TDRD3: variants seen among roughly 807,000 people sequenced by gnomAD.
TDRD3 encodes the protein tudor domain containing 3, also known as tudor domain-containing protein 3.
In TDRD3, 45 loss-of-function variants were observed where a neutral mutation model predicts 86.7. The ratio of observed to expected loss-of-function variants is 0.52; its 90% CI spans 0.41 to 0.67. The LOEUF is 0.67. Among genes scored for constraint, TDRD3 ranks in the 30% least tolerant of loss-of-function variants. TDRD3 has a pLI of 0.00. For missense variants in TDRD3, 814 were observed against 889.0 expected (o/e 0.92, Z 1.07); for synonymous variants, 298 against 301.7 (o/e 0.99, Z 0.13).
At chr13:60,494,290 A>T in intron 7 of TDRD3, 145 bp from the exon 8 acceptor site, 1 of 869,178 alleles carries the variant, frequency 1.2e-6, no homozygotes, top group Non-Finnish European at 1.6e-6. Flanking sequence ...GCTATTCAAA[A>T]GGAGTAAGTT....
At chr13:60,482,148 G>A (rs766295855) in intron 5 of TDRD3, among the ~76,000 whole-genome samples, 3 of 152,136 alleles carry the variant, frequency 2.0e-5, no homozygotes, top group Non-Finnish European at 4.4e-5. Context: ...AGTGACTCAA[G>A]GGAACTCCTT....
chr13:60,495,770 A>G (rs1350796428), intron 8 of TDRD3, among the ~76,000 whole-genome samples: 1 of 152,068 alleles, frequency 6.6e-6, no homozygotes, highest in East Asian at 1.9e-4. Flanking sequence ...GCCCGGTGGG[A>G]TAAAAGTTTT....
At chr13:60,456,518 T>C (rs1472672500) in intron 3 of TDRD3, among the ~76,000 whole-genome samples, 1 of 152,230 alleles carries the variant, frequency 6.6e-6, no homozygotes, top group Non-Finnish European at 1.5e-5. Context: ...TTTGATTTTT[T>C]CTTATTACTA....
Position 60,453,333 on chromosome 13 carries a change from CAT to C in TDRD3, c.193-7046_193-7045del, listed in dbSNP as rs559510681. Among the ~76,000 whole-genome samples the C allele has an allele frequency of 4.8e-3, 729 of 152,274 alleles. 4 individuals are homozygous for C. The highest frequency in any genetic ancestry group is 0.02 in the Middle Eastern group (6 of 294). Reference sequence around the variant, plus strand: ...AAAGACAGCTTAGGAAAACGAGTAACATGTAGTTTTTCTTTTCCTAGCCAATT... The same window carrying C: ...AAAGACAGCTTAGGAAAACGAGTAACGTAGTTTTTCTTTTCCTAGCCAATT... On this transcript the variant is annotated intron_variant, in intron 3 of 13. Coordinates refer to ENST00000377881, the MANE Select transcript of TDRD3 (RefSeq NM_001146070.2).
chr13:60,559,118 T>TA (rs1264492178), intron 12 of TDRD3, among the ~76,000 whole-genome samples: 1 of 152,196 alleles, frequency 6.6e-6, no homozygotes, highest in Non-Finnish European at 1.5e-5. Flanking sequence ...TTTATTAACT[T>TA]AGAGTTATTT....
chr13:60,531,223 A>C (rs941973445), intron 11 of TDRD3, among the ~76,000 whole-genome samples: 6 of 152,232 alleles, frequency 3.9e-5, no homozygotes, highest in Non-Finnish European at 5.9e-5. Context: ...CTTCCTGGCT[A>C]TTAGGAAGAC....
chr13:60,435,271 A>G (rs562587905), intron 1 of TDRD3, among the ~76,000 whole-genome samples: 1 of 151,980 alleles, frequency 6.6e-6, no homozygotes, highest in South Asian at 2.1e-4. Flanking sequence ...AGGCCTTATT[A>G]TTTTCTTATT....
At chr13:60,547,788 C>T (rs754747151) in intron 12 of TDRD3, among the ~76,000 whole-genome samples, 5 of 152,108 alleles carry the variant, frequency 3.3e-5, no homozygotes, top group Non-Finnish European at 4.4e-5. Context: ...ATGTAAAACC[C>T]AGTTGGTTAA....
intron 8 of TDRD3, 200 bp from the exon 9 acceptor site, chr13:60,509,563 A>G (rs1957013299): frequency 3.3e-6 from 2 of 614,842 alleles, no homozygotes; most frequent in Non-Finnish European, 5.7e-6. Context: ...AGGTCAGAGA[A>G]TACTCAAGGC....
chr13:60,497,700 C>A (rs1956747838), intron 8 of TDRD3, among the ~76,000 whole-genome samples: 1 of 152,054 alleles, frequency 6.6e-6, no homozygotes. Flanking sequence ...AAGAGTAGGA[C>A]CTTGTAGCTT....
chr13:60,509,621 C>T (rs1016100676), intron 8 of TDRD3, 142 bp from the exon 9 acceptor site: 1 of 1,048,996 alleles, frequency 9.5e-7, no homozygotes, highest in Non-Finnish European at 1.4e-6. Context: ...TGTAAAAAAT[C>T]AGCAAGAGAA....
intron 12 of TDRD3, among the ~76,000 whole-genome samples, chr13:60,551,969 A>C (rs561350535): frequency 1.3e-5 from 2 of 151,648 alleles, no homozygotes; most frequent in African/African-American, 4.9e-5. Context: ...CTCCCTCGAC[A>C]TGTGGGGATT....
chr13:60,400,993 A>G (rs959257190), intron 1 of TDRD3, among the ~76,000 whole-genome samples: 5 of 152,174 alleles, frequency 3.3e-5, no homozygotes, highest in African/African-American at 9.7e-5. Flanking sequence ...AATTGGGTTG[A>G]AGCATTTTGT....
intron 12 of TDRD3, chr13:60,537,572 C>G (rs1476995541): frequency 6.6e-6 from 1 of 151,630 alleles, no homozygotes; most frequent in Non-Finnish European, 1.5e-5. Context: ...AGTTTTAAGT[C>G]AAAAATGTAC....
At chr13:60,524,650 A>G (rs764186712) in intron 10 of TDRD3, among the ~76,000 whole-genome samples, 1 of 152,128 alleles carries the variant, frequency 6.6e-6, no homozygotes, top group Admixed American at 6.6e-5. Context: ...TGACTTTATG[A>G]TTTAACTAAC....
intron 2 of TDRD3, among the ~76,000 whole-genome samples, chr13:60,444,113 G>A (rs1279222391): frequency 6.6e-6 from 1 of 151,624 alleles, no homozygotes; most frequent in Non-Finnish European, 1.5e-5. Flanking sequence ...ATAGTTATTT[G>A]TTTACCACCT....
At chr13:60,478,243 C>G (rs907645425) in intron 5 of TDRD3, among the ~76,000 whole-genome samples, 1 of 149,912 alleles carries the variant, frequency 6.7e-6, no homozygotes. Context: ...CTGATTGTAC[C>G]GATTTGGATC....
At chr13:60,506,865 A>G (rs925278634) in intron 8 of TDRD3, among the ~76,000 whole-genome samples, 2 of 152,218 alleles carry the variant, frequency 1.3e-5, no homozygotes, top group Non-Finnish European at 2.9e-5. Context: ...TATTAGCCTT[A>G]AATGTAAATG....
chr13:60,501,230 C>T lies in TDRD3; in HGVS notation c.858+6655C>T, dbSNP rs138574093. 3.6e-4 allele frequency among the ~76,000 whole-genome samples: 55 copies of T among 152,256 alleles called. No homozygotes were observed. The East Asian group carries it at 9.7e-3, about 27-fold the overall frequency. ...CTAACTGCTGTTAGGGGGTGTTGGACGATGACTCTTTTGGCTACTTCCTGC... is the reference window on the plus strand; with the variant it reads ...CTAACTGCTGTTAGGGGGTGTTGGATGATGACTCTTTTGGCTACTTCCTGC... On this transcript the variant is annotated intron_variant, in intron 8 of 13. Transcript: ENST00000377881.
Sources: allele counts gnomAD v4.1 joint callset (sites outside exome capture counted in the v4.1 genomes callset), GRCh38; gene constraint gnomAD v4.1.1; transcripts MANE v1.5; gene names NCBI Gene and HGNC (gene_info 2026-07-23, HGNC 2026-07-21).